Variants in GRM4 observed in about 807,000 individuals in gnomAD.
GRM4 encodes metabotropic glutamate receptor 4.
In GRM4, 28 loss-of-function variants were observed where a neutral mutation model predicts 81.7. That is an observed-to-expected ratio of 0.34 (90% CI 0.25 to 0.47). The LOEUF is 0.47. Ranked by LOEUF, GRM4 falls within the 20% of genes least tolerant of loss-of-function variation. The probability of loss-of-function intolerance (pLI) is 1.00; values close to 1 mark genes in which losing one functional copy is unlikely to be tolerated. For synonymous variants in GRM4, 488 were observed against 528.8 expected (o/e 0.92, Z 1.06); for missense variants, 948 against 1,290.0 (o/e 0.73, Z 4.06).
At chr6:34,038,239 T>TTCTCCTC (rs1764818610) in intron 8 of GRM4, among the ~76,000 whole-genome samples, 1 of 152,282 alleles carries the variant, frequency 6.6e-6, no homozygotes, top group South Asian at 2.1e-4. Flanking sequence ...AGCAAATGGC[T>TTCTCCTC]TCTCCTCTCT....
chr6:34,058,424 G>A (rs528154697), intron 5 of GRM4, among the ~76,000 whole-genome samples: 15 of 152,282 alleles, frequency 9.9e-5, no homozygotes, highest in African/African-American at 3.6e-4. Flanking sequence ...GGGAGGGAGG[G>A]CAGGGAAGGA....
In GRM4 at chr6:34,020,306, A is replaced by G. The variant is rs1319191670; in HGVS notation, c.*2515T>C. The stretch of plus-strand genomic sequence containing the variant: ...AGAGGTGATTCTCCTGTTAGAACCT[A>G]GATGGGGGCCCCACAGATGTAGGGG... On this transcript the variant is annotated 3_prime_UTR_variant, in exon 11 of 11. Coordinates refer to ENST00000538487, the MANE Select transcript of GRM4 (RefSeq NM_000841.4). 1 of 152,158 alleles carries G rather than the reference A, an allele frequency of 6.6e-6. No homozygotes were observed. The highest frequency in any genetic ancestry group is 1.5e-5 in the Non-Finnish European group (1 of 68,102). The allele number at this position is 152,158 out of a possible 1,614,324, so 9.4% of individuals were successfully genotyped here.
chr6:34,140,535 C>A (rs1183992854), intron 1 of GRM4, among the ~76,000 whole-genome samples: 1 of 152,160 alleles, frequency 6.6e-6, no homozygotes, highest in Non-Finnish European at 1.5e-5. Context: ...ACAAGGCAAG[C>A]ACATCTCATC....
In GRM4 at chr6:34,035,340, A is replaced by T. The variant is rs1764633202; in HGVS notation, c.2442+328T>A. Among the ~76,000 whole-genome samples, 1 of 149,672 alleles carries T rather than the reference A, an allele frequency of 6.7e-6. No individual in the cohort carries two copies. The highest frequency in any genetic ancestry group is 1.5e-5 in the Non-Finnish European group (1 of 67,426). ...GGGAAGGAGAACAGGGGGAGGATGG[A>T]AAGAGGGAGTAAAGTGGGGCTGAAG... is the stretch of plus-strand genomic sequence containing the variant. On this transcript the variant is annotated intron_variant, in intron 9 of 10. Transcript: ENST00000538487. This position sits in a 1 kb window ranked among gnomAD's most constrained non-coding sequence, Gnocchi z 6.6.
At chr6:34,108,104 C>A (rs989420519) in intron 2 of GRM4, among the ~76,000 whole-genome samples, 1 of 152,212 alleles carries the variant, frequency 6.6e-6, no homozygotes, top group Non-Finnish European at 1.5e-5. Flanking sequence ...GGCAGGGACC[C>A]AGCCCAGAGC....
intron 1 of GRM4, among the ~76,000 whole-genome samples, chr6:34,151,425 C>G (rs569665468): frequency 8.5e-5 from 13 of 152,290 alleles, no homozygotes; most frequent in African/African-American, 3.1e-4. Context: ...TCCACATGTC[C>G]GGGGGCTGTC....
chr6:34,083,239 C>T (rs1263440815), intron 3 of GRM4, among the ~76,000 whole-genome samples: 2 of 152,136 alleles, frequency 1.3e-5, no homozygotes, highest in East Asian at 1.9e-4. Flanking sequence ...GCAGCAGGCC[C>T]GGCGACACCA....
intron 6 of GRM4, chr6:34,055,983 T>C (rs2127458482): frequency 6.6e-6 from 1 of 152,516 alleles, no homozygotes; most frequent in Non-Finnish European, 1.5e-5. Flanking sequence ...TTATTGTCTG[T>C]TTTGTTTCTT....
Position 34,019,668 on chromosome 6 carries a change from C to G in GRM4, c.*3153G>C, listed in dbSNP as rs145550450. ...AGGCCACGGGGGTGAGCACATACCCCCTGCACACAGCAAAGGTCTCTAGGG... is the reference window on the plus strand; with the variant it reads ...AGGCCACGGGGGTGAGCACATACCCGCTGCACACAGCAAAGGTCTCTAGGG... On this transcript the variant is annotated 3_prime_UTR_variant, in exon 11 of 11. Transcript: ENST00000538487. The G allele has an allele frequency of 6.6e-6, 1 of 152,208 alleles. No individual in the cohort carries two copies. The highest frequency in any genetic ancestry group is 2.4e-5 in the African/African-American group (1 of 41,446). 9.4% of individuals were successfully genotyped at this position (152,208 alleles called of 1,614,324 possible).
intron 3 of GRM4, among the ~76,000 whole-genome samples, chr6:34,079,145 T>C (rs922866695): frequency 6.6e-6 from 1 of 152,188 alleles, no homozygotes; most frequent in Non-Finnish European, 1.5e-5. Context: ...GGCTCATCCA[T>C]GGACACAAGG....
At chr6:34,112,721 C>T (rs1769436093) in intron 2 of GRM4, among the ~76,000 whole-genome samples, 1 of 152,022 alleles carries the variant, frequency 6.6e-6, no homozygotes, top group South Asian at 2.1e-4. Context: ...GAAAACAGGA[C>T]TCAGCCCCCC....
intron 2 of GRM4, among the ~76,000 whole-genome samples, chr6:34,112,883 C>T (rs556078506): frequency 6.6e-6 from 1 of 152,324 alleles, no homozygotes; most frequent in Non-Finnish European, 1.5e-5. Flanking sequence ...GCATCTGCTT[C>T]CCCGAACTTC....
At chr6:34,073,535 C>A (rs902220902) in intron 3 of GRM4, among the ~76,000 whole-genome samples, 1 of 152,000 alleles carries the variant, frequency 6.6e-6, no homozygotes, top group Non-Finnish European at 1.5e-5. Context: ...CACAAATACA[C>A]CACACACAGA....
intron 1 of GRM4, among the ~76,000 whole-genome samples, chr6:34,142,849 C>T (rs555175158): frequency 5.3e-5 from 8 of 152,328 alleles, no homozygotes; most frequent in Admixed American, 2.6e-4. Flanking sequence ...GCGGCCTACG[C>T]AAGGCCACTG....
At chr6:34,067,848 G>A (rs554342616) in intron 3 of GRM4, among the ~76,000 whole-genome samples, 1 of 152,168 alleles carries the variant, frequency 6.6e-6, no homozygotes, top group East Asian at 1.9e-4. Flanking sequence ...CACCCCCACC[G>A]CACAACCCCT....
intron 6 of GRM4, among the ~76,000 whole-genome samples, chr6:34,046,663 T>G (rs921969749): frequency 6.6e-6 from 1 of 152,216 alleles, no homozygotes; most frequent in Non-Finnish European, 1.5e-5. Context: ...GCCCCATTGG[T>G]GCACACAGGG....
intron 3 of GRM4, among the ~76,000 whole-genome samples, chr6:34,067,022 CT>C: frequency 6.6e-6 from 1 of 152,242 alleles, no homozygotes; most frequent in South Asian, 2.1e-4. Flanking sequence ...GGGGCTGCCC[CT>C]GTCCTCCCAG....
At chr6:34,119,884 T>A (rs1365912962) in intron 2 of GRM4, among the ~76,000 whole-genome samples, 2 of 152,154 alleles carry the variant, frequency 1.3e-5, no homozygotes, top group Non-Finnish European at 2.9e-5. Context: ...TTTAATCCCC[T>A]TCCTACCCCA....
intron 1 of GRM4, among the ~76,000 whole-genome samples, chr6:34,134,768 G>A (rs1242519897): frequency 2.0e-5 from 3 of 149,702 alleles, no homozygotes; most frequent in African/African-American, 7.3e-5. Context: ...CTCGGGTTAT[G>A]GCCTGAGCTA....
Sources: gnomAD v4.1 joint callset for allele counts (sites outside exome capture counted in the v4.1 genomes callset) on GRCh38, gnomAD v4.1.1 for gene constraint, Gnocchi (gnomAD v3.1) non-coding constraint, MANE v1.5 for transcripts, NCBI Gene and HGNC (gene_info 2026-07-23, HGNC 2026-07-21) for gene names.